GLG1: variants seen among roughly 807,000 people sequenced by gnomAD.
GLG1 encodes Golgi apparatus protein 1.
A neutral mutation model predicts 160.5 loss-of-function variants in GLG1; 38 were observed. The ratio of observed to expected loss-of-function variants is 0.24; its 90% CI spans 0.18 to 0.31. The LOEUF (loss-of-function observed/expected upper bound fraction) is 0.31. Among genes scored for constraint, GLG1 ranks in the 10% least tolerant of loss-of-function variants. The pLI, the probability that GLG1 is intolerant of heterozygous loss-of-function variation, is 1.00. For synonymous variants in GLG1, 644 were observed against 543.4 expected, an observed-to-expected ratio of 1.19 and a Z score of -2.57; for missense variants, 1,373 against 1,505.2, an observed-to-expected ratio of 0.91 and a Z score of 1.45.
intron 1 of GLG1, among the ~76,000 whole-genome samples, chr16:74,576,999 G>A (rs1270330118): frequency 4.0e-5 from 6 of 150,300 alleles, no homozygotes; most frequent in African/African-American, 7.4e-5. Flanking sequence ...ATAGCTCACT[G>A]CAGCCTCAAC....
intron 2 of GLG1, among the ~76,000 whole-genome samples, chr16:74,527,297 T>C (rs1266810447): frequency 7.2e-6 from 1 of 138,654 alleles, no homozygotes; most frequent in Non-Finnish European, 1.5e-5. Context: ...TTGCCCAGGA[T>C]GGAGTGCAAT....
intron 1 of GLG1, among the ~76,000 whole-genome samples, chr16:74,555,374 A>C (rs182117104): frequency 2.0e-3 from 297 of 152,028 alleles, no homozygotes; most frequent in African/African-American, 6.4e-3. Flanking sequence ...GACATTGTCA[A>C]CTCCATCAGT....
intron 5 of GLG1, among the ~76,000 whole-genome samples, chr16:74,495,882 C>G (rs1445182117): frequency 6.6e-6 from 1 of 152,200 alleles, no homozygotes; most frequent in Non-Finnish European, 1.5e-5. Context: ...TTACCACTTT[C>G]TGCTATACTG....
At chr16:74,554,696 G>A (rs958846212) in intron 1 of GLG1, among the ~76,000 whole-genome samples, 5 of 152,154 alleles carry the variant, frequency 3.3e-5, no homozygotes, top group African/African-American at 1.2e-4. Flanking sequence ...CTTTGGTAAA[G>A]TGCATGAATA....
chr16:74,496,550 A>T lies in GLG1; in HGVS notation c.869T>A (p.Leu290His). 1 of 1,613,640 alleles carries T rather than the reference A, an allele frequency of 6.2e-7. No homozygotes were observed. Among genetic ancestry groups the T allele is most frequent in the Non-Finnish European group, 8.5e-7 (1 of 1,179,584 alleles). The change falls in exon 5 of 26, where the codon CTC (leucine) becomes CAC (histidine). Residue 290 changes from leucine to histidine, a missense_variant. Around this residue, in one of 4 missense-constraint regions of GLG1, gnomAD observed 174 missense variants for 229.9 expected, o/e 0.76. Coordinates refer to ENST00000422840, the MANE Select transcript of GLG1 (RefSeq NM_001145667.2). ...CACCCGGAGAATGGCTTTCTTGCAG[A>T]GTTCAGAAACTTGAATCTTGGGTTC... is the stretch of plus-strand genomic sequence containing the variant. Reference protein sequence around the residue: ...EREPKIQVSELCKKAILRVAE... With the variant: ...EREPKIQVSEHCKKAILRVAE...
At chr16:74,487,840 A>G (rs77510000) in intron 8 of GLG1, among the ~76,000 whole-genome samples, 2,317 of 152,304 alleles carry the variant, frequency 0.015, 19 homozygotes, top group Middle Eastern at 0.041. Flanking sequence ...TCCAGGGATC[A>G]TTATCATTGC....
At chr16:74,474,719 T>G in intron 12 of GLG1, 87 bp from the exon 13 acceptor site, 1 of 768,600 alleles carries the variant, frequency 1.3e-6, no homozygotes, top group Non-Finnish European at 2.4e-6. Flanking sequence ...GACACTTCCC[T>G]TTTCAGTGGT....
At chr16:74,460,783 T>A (rs183043318) in intron 22 of GLG1, among the ~76,000 whole-genome samples, 1 of 152,258 alleles carries the variant, frequency 6.6e-6, no homozygotes, top group Non-Finnish European at 1.5e-5. Flanking sequence ...GAGACTTGAG[T>A]CAGATCTCAG....
At chr16:74,576,166 C>T (rs2018996887) in intron 1 of GLG1, among the ~76,000 whole-genome samples, 1 of 151,718 alleles carries the variant, frequency 6.6e-6, no homozygotes, top group Non-Finnish European at 1.5e-5. Flanking sequence ...CACTGCACTC[C>T]AGTCTGCGCG....
At chr16:74,561,888 A>G (rs2143741774) in intron 1 of GLG1, among the ~76,000 whole-genome samples, 1 of 152,308 alleles carries the variant, frequency 6.6e-6, no homozygotes, top group African/African-American at 2.4e-5. Flanking sequence ...AAACATATAC[A>G]TTGGTGTGGT....
At chr16:74,465,041 G>A (rs1254413209) in intron 19 of GLG1, among the ~76,000 whole-genome samples, 2 of 152,122 alleles carry the variant, frequency 1.3e-5, no homozygotes, top group Admixed American at 6.5e-5. Context: ...GTTTCACCAT[G>A]TTGGCCAGGC....
At chr16:74,525,911 T>A (rs990803417) in intron 2 of GLG1, among the ~76,000 whole-genome samples, 11 of 152,128 alleles carry the variant, frequency 7.2e-5, no homozygotes, top group African/African-American at 2.4e-4. Context: ...ATCCCAGCAC[T>A]TTGGGAGGCT....
intron 1 of GLG1, among the ~76,000 whole-genome samples, chr16:74,579,299 C>G (rs2143813824): frequency 6.6e-6 from 1 of 152,202 alleles, no homozygotes; most frequent in African/African-American, 2.4e-5. Flanking sequence ...GTCCCAGCTC[C>G]TGGGGTGGTG....
intron 1 of GLG1, among the ~76,000 whole-genome samples, chr16:74,542,789 G>GGAAGGAAA: frequency 7.1e-6 from 1 of 140,654 alleles, no homozygotes; most frequent in South Asian, 2.3e-4. Context: ...AAGGAAGGAA[G>GGAAGGAAA]GAAGGAAGGA....
At chr16:74,566,512 T>C (rs1156785877) in intron 1 of GLG1, among the ~76,000 whole-genome samples, 1 of 152,232 alleles carries the variant, frequency 6.6e-6, no homozygotes, top group African/African-American at 2.4e-5. Context: ...TCCATTGTCA[T>C]CTTTTTCCAA....
At chr16:74,555,415 G>A (rs916525365) in intron 1 of GLG1, among the ~76,000 whole-genome samples, 2 of 152,098 alleles carry the variant, frequency 1.3e-5, no homozygotes, top group Admixed American at 6.6e-5. Flanking sequence ...GGCTGGGTGC[G>A]GTGGCTCACA....
At position 74,451,010 on chromosome 16, in the gene GLG1, G is replaced by A. The variant is rs773766235; in HGVS notation, c.*2157C>T. On this transcript the variant is annotated 3_prime_UTR_variant, in exon 26 of 26. Transcript: ENST00000422840. Reference sequence around the variant, plus strand: ...CGCATACTGGGAAGGAGACTGCAGAGAGGAAGGATACCCCACCCGGTCAAA... The same window carrying A: ...CGCATACTGGGAAGGAGACTGCAGAAAGGAAGGATACCCCACCCGGTCAAA... 2 of 152,236 alleles carry A rather than the reference G, an allele frequency of 1.3e-5. No individual in the cohort carries two copies. The highest frequency in any genetic ancestry group is 2.9e-5 in the Non-Finnish European group (2 of 68,062). The allele number at this position is 152,236 out of a possible 1,614,324, so 9.4% of individuals were successfully genotyped here.
chr16:74,507,399 T>G (rs1191451707), intron 3 of GLG1, among the ~76,000 whole-genome samples: 5 of 152,028 alleles, frequency 3.3e-5, no homozygotes, highest in African/African-American at 9.7e-5. Context: ...AACAAACATA[T>G]GCGGGTATAT....
chr16:74,576,516 G>A (rs2019008929), intron 1 of GLG1, among the ~76,000 whole-genome samples: 1 of 152,104 alleles, frequency 6.6e-6, no homozygotes, highest in Non-Finnish European at 1.5e-5. Flanking sequence ...ACAATCTCTT[G>A]TGGTCTCTAT....
Sources: allele counts gnomAD v4.1 joint callset (sites outside exome capture counted in the v4.1 genomes callset), GRCh38; gene constraint gnomAD v4.1.1; regional missense constraint gnomAD v4.1.1; transcripts MANE v1.5; gene names NCBI Gene and HGNC (gene_info 2026-07-23, HGNC 2026-07-21).